Variants in PKD1 observed in about 807,000 individuals in gnomAD.
The protein encoded by PKD1 is polycystin-1.
PKD1 carries 81 observed loss-of-function variants against 361.7 expected under a neutral mutation model. The ratio of observed to expected loss-of-function variants is 0.22; its 90% CI spans 0.19 to 0.27. PKD1 has a LOEUF of 0.27. PKD1 is among the 10% of genes least tolerant of loss of function. The pLI, the probability that PKD1 is intolerant of heterozygous loss-of-function variation, is 1.00. For synonymous variants in PKD1, 3,615 were observed against 2,818.3 expected (o/e 1.28, Z -8.95); for missense variants, 6,399 against 6,118.3 (o/e 1.05, Z -1.53).
In PKD1 at chr16:2,103,422, T is replaced by C; in HGVS notation, c.8635A>G (p.Asn2879Asp). The change falls in exon 23 of 46, where the codon AAC becomes GAC. Residue 2879 changes from asparagine to aspartate, a missense_variant. Asn to Asp is a conservative substitution (Grantham distance 23, BLOSUM62 1). Transcript: ENST00000262304. Reference protein sequence around the residue: ...ERAITVKVPNNSDWAARGHRS... With the variant: ...ERAITVKVPNDSDWAARGHRS... ...TGGCCCCGGGCAGCCCAGTCCGAGT[T>C]GTTGGGCACCTTCACGGTGATGGCG... 2 of 1,599,270 alleles carry C rather than the reference T, an allele frequency of 1.3e-6. No homozygotes were observed. Among genetic ancestry groups the C allele is most frequent in the East Asian group, 2.2e-5 (1 of 44,858 alleles).
At position 2,105,574 on chromosome 16, in the gene PKD1, C is replaced by T. The variant is rs1056090524; in HGVS notation, c.7864-100G>A. The stretch of plus-strand genomic sequence containing the variant: ...TCCCGGGGTGCAGTTACGTGCTAGA[C>T]GCTGTGTGATGCGGGCACTGACCCA... On this transcript the variant is annotated intron_variant, in intron 20 of 45. Coordinates refer to ENST00000262304, the MANE Select transcript of PKD1 (RefSeq NM_001009944.3). 489 of 1,593,328 alleles carry T rather than the reference C, an allele frequency of 3.1e-4. 2 individuals are homozygous for T. Among genetic ancestry groups the T allele is most frequent in the Non-Finnish European group, 3.8e-4 (450 of 1,178,226 alleles).
intron 1 of PKD1, chr16:2,135,098 G>A: frequency 2.0e-6 from 2 of 978,512 alleles, no homozygotes; most frequent in Non-Finnish European, 2.4e-6. Flanking sequence ...ACACCTCCTG[G>A]AACTCTTCCC....
chr16:2,135,009 C>T (rs1290237419), intron 1 of PKD1: 1 of 661,576 alleles, frequency 1.5e-6, no homozygotes, highest in African/African-American at 1.9e-5. Context: ...ACCGTTCACC[C>T]CCCTTCTTCT....
chr16:2,104,026 G>T (rs2092219101), intron 22 of PKD1, 131 bp from the exon 23 acceptor site: 1 of 277,042 alleles, frequency 3.6e-6, no homozygotes, highest in Non-Finnish European at 6.7e-6. Context: ...CGAGGTGCAG[G>T]CAGAAGGAAG....
chr16:2,089,968 G>C lies in PKD1; in HGVS notation c.12671C>G (p.Thr4224Ser), dbSNP rs200685883. 1 of 1,612,188 alleles carries C rather than the reference G, an allele frequency of 6.2e-7. No homozygotes were observed. The highest frequency in any genetic ancestry group is 1.6e-4 in the Middle Eastern group (1 of 6,062). Reference protein sequence around the residue: ...RLQAVFEALLTQFDRLNQATE... With the variant: ...RLQAVFEALLSQFDRLNQATE... ...GGCCTGGTTGAGTCGGTCAAACTGG[G>C]TGAGCAGGGCCTCGAACACGGCTTG... The change falls in exon 46 of 46, where the codon ACC (threonine) becomes AGC (serine). Residue 4224 changes from threonine (T) to serine (S), a missense_variant. By Grantham distance (58) the Thr-to-Ser change is moderately conservative. Coordinates refer to ENST00000262304, the MANE Select transcript of PKD1 (RefSeq NM_001009944.3).
chr16:2,101,275 C>T (rs1249107342), intron 26 of PKD1, among the ~76,000 whole-genome samples: 9 of 152,136 alleles, frequency 5.9e-5, no homozygotes, highest in African/African-American at 9.7e-5. Flanking sequence ...TGAGCCACCG[C>T]GCCCGGCCGA....
At position 2,100,517 on chromosome 16, in the gene PKD1, G is replaced by A. The variant is rs549266110; in HGVS notation, c.9447C>T (p.Ser3149=). The A allele has an allele frequency of 9.3e-6, 15 of 1,610,164 alleles. No individual in the cohort carries two copies. The highest frequency in any genetic ancestry group is 4.0e-5 in the African/African-American group (3 of 74,954). The change falls in exon 27 of 46, where the codon AGC becomes AGT. Residue 3149 remains serine (S), a synonymous_variant. Transcript: ENST00000262304. The surrounding 1 kb of genome is among the most constrained non-coding windows in gnomAD (Gnocchi z 4.4). The part of the protein sequence containing the change: ...GIMLYGVDSR[S]GHRHLDGDRA... ...TGTCGCCGTCCAGGTGCCGGTGGCCGCTCCGGCTGTCCACCCCATACAGCA... is the reference window on the plus strand; with the variant it reads ...TGTCGCCGTCCAGGTGCCGGTGGCCACTCCGGCTGTCCACCCCATACAGCA...
Position 2,091,810 on chromosome 16 carries a change from G to A in PKD1, c.11508C>T (p.Phe3836=), listed in dbSNP as rs779457101. The A allele has an allele frequency of 5.6e-6, 9 of 1,610,800 alleles. No individual in the cohort carries two copies. Among genetic ancestry groups the A allele is most frequent in the East Asian group, 4.5e-5 (2 of 44,826 alleles). ...TGTCCAGCCAGTTGTGCAGCTGCAGGAAGCGCAGCCGGTCGCGGCTCTCCT... is the reference window on the plus strand; with the variant it reads ...TGTCCAGCCAGTTGTGCAGCTGCAGAAAGCGCAGCCGGTCGCGGCTCTCCT... The part of the protein sequence containing the change: ...SLEESRDRLR[F]LQLHNWLDNR... Residue 3836 remains phenylalanine (F), a synonymous_variant, in exon 41 of 46, where the codon TTC becomes TTT. Transcript: ENST00000262304.
At chr16:2,103,046 A>T (rs1295880834) in intron 23 of PKD1, 76 bp from the exon 24 acceptor site, 2 of 1,515,208 alleles carry the variant, frequency 1.3e-6, no homozygotes, top group African/African-American at 1.4e-5. Flanking sequence ...GGCCCTCCTG[A>T]GCCCACCCTC....
chr16:2,091,438 C>G lies in PKD1; in HGVS notation c.11697G>C (p.Leu3899=). 2 of 1,190,508 alleles carry G rather than the reference C, an allele frequency of 1.7e-6. No individual in the cohort carries two copies. Among genetic ancestry groups the G allele is most frequent in the Non-Finnish European group, 2.1e-6 (2 of 959,522 alleles). The allele number at this position is 1,190,508 out of a possible 1,614,324, so 73.7% of individuals were successfully genotyped here. ...ALRRLSAGLS[L]PLLTSVCLLL... Reference sequence around the variant, plus strand: ...ACGGGCGTACCGAGGTGAGCAGAGGCAGCGAGAGGCCCGCGCTGAGGCGGC... The same window carrying G: ...ACGGGCGTACCGAGGTGAGCAGAGGGAGCGAGAGGCCCGCGCTGAGGCGGC... Residue 3899 remains leucine (L), a synonymous_variant, in exon 42 of 46, where the codon CTG becomes CTC. Coordinates refer to ENST00000262304, the MANE Select transcript of PKD1 (RefSeq NM_001009944.3).
chr16:2,125,216 A>G (rs1300155869), intron 1 of PKD1, among the ~76,000 whole-genome samples: 1 of 152,166 alleles, frequency 6.6e-6, no homozygotes, highest in Non-Finnish European at 1.5e-5. Context: ...TTGAAAAAAA[A>G]CAGTGCAGCC....
chr16:2,091,434 G>A lies in PKD1; in HGVS notation c.11701C>T (p.Leu3901=). The A allele has an allele frequency of 8.4e-7, 1 of 1,186,090 alleles. No homozygotes were observed. Among genetic ancestry groups the A allele is most frequent in the Non-Finnish European group, 1.0e-6 (1 of 956,654 alleles). 73.5% of individuals were successfully genotyped at this position (1,186,090 alleles called of 1,614,324 possible). A position where few individuals can be genotyped will look rare whatever the true frequency, so the allele number is the denominator to read the frequency against. ...RRLSAGLSLP[L]LTSVCLLLFA... ...GGGGACGGGCGTACCGAGGTGAGCA[G>A]AGGCAGCGAGAGGCCCGCGCTGAGG... The change falls in exon 42 of 46, where the codon CTG becomes TTG. Residue 3901 remains leucine (L), a synonymous_variant. Transcript: ENST00000262304.
chr16:2,097,851 C>T lies in PKD1; in HGVS notation c.10167+17G>A. On this transcript the variant is annotated intron_variant, in intron 31 of 45. Coordinates refer to ENST00000262304, the MANE Select transcript of PKD1 (RefSeq NM_001009944.3). ...AGGACCCCCAGCCCAGCCCAGGACC[C>T]CCAGTAGAGTCCTCACCTCAGCGTG... 6.2e-7 allele frequency: 1 copy of T among 1,608,010 alleles called. No homozygotes were observed. The highest frequency in any genetic ancestry group is 8.5e-7 in the Non-Finnish European group (1 of 1,176,998).
rs752787455 is a variant in PKD1, at chr16:2,089,982, G to C, written c.12657C>G (p.Phe4219Leu). Reference protein sequence around the residue: ...EPEPSRLQAVFEALLTQFDRL... With the variant: ...EPEPSRLQAVLEALLTQFDRL... ...GGTCAAACTGGGTGAGCAGGGCCTC[G>C]AACACGGCTTGGAGGCGGGAGGGCT... is the stretch of plus-strand genomic sequence containing the variant. The change falls in exon 46 of 46, where the codon TTC (phenylalanine) becomes TTG (leucine). Residue 4219 changes from phenylalanine (F) to leucine (L), a missense_variant. Transcript: ENST00000262304. 6.2e-7 allele frequency: 1 copy of C among 1,611,780 alleles called. No individual in the cohort carries two copies. The highest frequency in any genetic ancestry group is 8.5e-7 in the Non-Finnish European group (1 of 1,179,590).
At chr16:2,104,464 G>C in intron 22 of PKD1, 34 bp downstream of exon 22, 8 of 1,480,460 alleles carry the variant, frequency 5.4e-6, no homozygotes, top group Non-Finnish European at 7.3e-6. Context: ...GCCGCACGGG[G>C]CGGGCGGGTG....
rs773817287 is a variant in PKD1 at position 2,117,013 on chromosome 16, C to T, written c.1426G>A (p.Val476Met). The stretch of plus-strand genomic sequence containing the variant: ...CCCTGCGGCGCTGGGCCCACCTCCA[C>T]CCCCTGCACAGTCGAGAAGCCGATC... The part of the protein sequence containing the change: ...VWIGFSTVQG[V>M]EVGPAPQGEA... Residue 476 changes from valine (V) to methionine (M), a missense_variant, in exon 7 of 46, where the codon GTG becomes ATG. By Grantham distance (21) the Val-to-Met change is conservative. Transcript: ENST00000262304. 1 of 1,586,780 alleles carries T rather than the reference C, an allele frequency of 6.3e-7. No homozygotes were observed. The highest frequency in any genetic ancestry group is 2.2e-5 in the East Asian group (1 of 44,622).
intron 1 of PKD1, among the ~76,000 whole-genome samples, chr16:2,123,258 G>A (rs1256216795): frequency 3.3e-5 from 5 of 152,054 alleles, no homozygotes; most frequent in Non-Finnish European, 7.4e-5. Flanking sequence ...GACCCCGCTC[G>A]GCCGAGCTCC....
Position 2,110,387 on chromosome 16 carries a change from C to G in PKD1, c.4780G>C (p.Gly1594Arg). 6.2e-7 allele frequency: 1 copy of G among 1,612,616 alleles called. No individual in the cohort carries two copies. The highest frequency in any genetic ancestry group is 8.5e-7 in the Non-Finnish European group (1 of 1,179,852). The change falls in exon 15 of 46, where the codon GGT (glycine) becomes CGT (arginine). Residue 1594 changes from glycine to arginine, a missense_variant. Transcript: ENST00000262304. ...LCDRCTPIPG[G>R]PTISYTFRSV... ...CGGAAGGTGTAAGAGATGGTAGGAC[C>G]CCCAGGGATGGGCGTGCAGCGGTCA...
In PKD1 at chr16:2,100,200, G is replaced by A. The variant is rs138332867; in HGVS notation, c.9678C>T (p.Asn3226=). Residue 3226 remains asparagine, a synonymous_variant, in exon 28 of 46, where the codon AAC becomes AAT. Coordinates refer to ENST00000262304, the MANE Select transcript of PKD1 (RefSeq NM_001009944.3). This position sits in a 1 kb window ranked among gnomAD's most constrained non-coding sequence, Gnocchi z 4.4. ...GCACCTCCTTCTCCACCAGGCCCCC[G>A]TTGGCCTCCGTCTCCACCGAAAGCC... ...NDWLSVETEA[N]GGLVEKEVLA... 110 of 1,609,516 alleles carry A rather than the reference G, an allele frequency of 6.8e-5. No individual in the cohort carries two copies. In the African/African-American group the frequency reaches 9.1e-4, roughly 13 times the overall value.
Sources: allele counts gnomAD v4.1 joint callset (sites outside exome capture counted in the v4.1 genomes callset), GRCh38; gene constraint gnomAD v4.1.1; non-coding constraint Gnocchi (gnomAD v3.1); transcripts MANE v1.5; gene names NCBI Gene and HGNC (gene_info 2026-07-23, HGNC 2026-07-21).